The following ZNF557 variants were observed in gnomAD, a reference collection of about 807,000 sequenced individuals.
ZNF557 encodes zinc finger protein 557, also known as CTB-25J19.9.
A neutral mutation model predicts 21.2 loss-of-function variants in ZNF557; 19 were observed. The observed-to-expected ratio is 0.90, with a 90% CI of 0.63 to 1.32. The LOEUF (loss-of-function observed/expected upper bound fraction) is 1.32. ZNF557 is among the 40% of genes most tolerant of loss of function. ZNF557 has a pLI of 0.00. For missense variants in ZNF557, 487 were observed against 519.8 expected (o/e 0.94, Z 0.61); for synonymous variants, 207 against 194.8 (o/e 1.06, Z -0.52).
chr19:7,076,566 C>CT (rs1454143569), intron 5 of ZNF557, 59 bp downstream of exon 5: 3 of 1,574,262 alleles, frequency 1.9e-6, no homozygotes, highest in African/African-American at 2.7e-5. Flanking sequence ...TCTTTTTTTT[C>CT]TTTTTTTAAA....
At chr19:7,074,037 G>T (rs10419273) in intron 2 of ZNF557, among the ~76,000 whole-genome samples, 7,099 of 128,844 alleles carry the variant, frequency 0.055, 339 homozygotes, top group African/African-American at 0.15. Flanking sequence ...GTGTTGCTCT[G>T]TTGCCCAGGC....
Position 7,083,823 on chromosome 19 carries a change from A to G in ZNF557, c.*79A>G. 3 of 1,496,122 alleles carry G rather than the reference A, an allele frequency of 2.0e-6. No homozygotes were observed. In the East Asian group the frequency reaches 6.8e-5, roughly 34 times the overall value. 92.7% of individuals were successfully genotyped at this position (1,496,122 alleles called of 1,614,324 possible). ...GAGCAAACTCTAACAAGATGTATGA[A>G]TCACCTGCTACTGTGTAACAAATTA... is the stretch of plus-strand genomic sequence containing the variant. On this transcript the variant is annotated 3_prime_UTR_variant, in exon 8 of 8. Coordinates refer to ENST00000252840, the MANE Select transcript of ZNF557 (RefSeq NM_024341.3).
intron 5 of ZNF557, 70 bp from the exon 6 acceptor site, chr19:7,081,290 T>C: frequency 9.5e-7 from 1 of 1,052,012 alleles, no homozygotes; most frequent in Admixed American, 1.9e-5. Flanking sequence ...TCAGAACTGA[T>C]TTCAGTTTCA....
intron 2 of ZNF557, among the ~76,000 whole-genome samples, chr19:7,071,775 G>A (rs1977464006): frequency 8.1e-6 from 1 of 123,528 alleles, no homozygotes; most frequent in South Asian, 2.9e-4. Flanking sequence ...ACTTCAGCCT[G>A]GGCAACAGAG....
In ZNF557 at chr19:7,083,035, T is replaced by C; in HGVS notation, c.584T>C (p.Leu195Pro). The C allele has an allele frequency of 6.2e-7, 1 of 1,614,170 alleles. No homozygotes were observed. The highest frequency in any genetic ancestry group is 8.5e-7 in the Non-Finnish European group (1 of 1,180,028). The change falls in exon 8 of 8, where the codon CTT (leucine) becomes CCT (proline). Residue 195 changes from leucine (L) to proline (P), a missense_variant. Coordinates refer to ENST00000252840, the MANE Select transcript of ZNF557 (RefSeq NM_024341.3). ...CGKSYSSRSY[L>P]AVHKRIHNGE... ...AAATCCTACAGCAGTAGATCTTACC[T>C]TGCTGTTCATAAGAGAATCCACAAT... is the stretch of plus-strand genomic sequence containing the variant.
At chr19:7,073,384 G>A (rs1294629114) in intron 2 of ZNF557, among the ~76,000 whole-genome samples, 1 of 152,074 alleles carries the variant, frequency 6.6e-6, no homozygotes, top group East Asian at 1.9e-4. Context: ...TTGAACTGCT[G>A]ACCTCAGGTG....
rs2145166779 is a variant in ZNF557 at position 7,075,059 on chromosome 19, C to G, written c.-16C>G. On this transcript the variant is annotated 5_prime_UTR_variant, in exon 3 of 8. Transcript: ENST00000252840. ...GTCCTGCTTCCCGGCTGCCCTGTTGCTGTCGGAGTCACAGGATGGCGGCTG... is the reference window on the plus strand; with the variant it reads ...GTCCTGCTTCCCGGCTGCCCTGTTGGTGTCGGAGTCACAGGATGGCGGCTG... The G allele has an allele frequency of 6.2e-7, 1 of 1,614,102 alleles. No homozygotes were observed. Among genetic ancestry groups the G allele is most frequent in the East Asian group, 2.2e-5 (1 of 44,876 alleles).
At position 7,085,670 on chromosome 19, in the gene ZNF557, T is replaced by C. The variant is rs889766412; in HGVS notation, c.*1926T>C. 1 of 152,206 alleles carries C rather than the reference T, an allele frequency of 6.6e-6. No individual in the cohort carries two copies. Among genetic ancestry groups the C allele is most frequent in the African/African-American group, 2.4e-5 (1 of 41,448 alleles). 9.4% of individuals were successfully genotyped at this position (152,206 alleles called of 1,614,324 possible). On this transcript the variant is annotated 3_prime_UTR_variant, in exon 8 of 8. Transcript: ENST00000252840. ...ATGTTAGGATGCCTCATCTCTTAAC[T>C]GAGTGGCCACGCAGTAACTTAGAAC...
intron 2 of ZNF557, among the ~76,000 whole-genome samples, chr19:7,072,835 G>A (rs1426826382): frequency 6.6e-6 from 1 of 152,204 alleles, no homozygotes; most frequent in African/African-American, 2.4e-5. Context: ...CAGAAAGCCA[G>A]TTCTTAGATG....
At chr19:7,074,363 T>G (rs1977529717) in intron 2 of ZNF557, among the ~76,000 whole-genome samples, 1 of 108,322 alleles carries the variant, frequency 9.2e-6, no homozygotes, top group Admixed American at 9.4e-5. Flanking sequence ...CACACAGCCC[T>G]TCTTTTCTCA....
In ZNF557 at chr19:7,082,954, C is replaced by G. The variant is rs751570081; in HGVS notation, c.503C>G (p.Thr168Arg). ...FKVFSTKSSL[T>R]RHRKIHTGER... ...GTCTTCAGCACAAAATCTTCCCTTA[C>G]ACGGCACAGGAAGATTCATACTGGA... Residue 168 changes from threonine (T) to arginine (R), a missense_variant, in exon 8 of 8, where the codon ACA becomes AGA. Physicochemically the swap from Thr to Arg is moderately conservative, Grantham distance 71. Transcript: ENST00000252840. 27 of 1,613,688 alleles carry G rather than the reference C, an allele frequency of 1.7e-5. No individual in the cohort carries two copies. Among genetic ancestry groups the G allele is most frequent in the Admixed American group, 6.7e-5 (4 of 59,916 alleles).
chr19:7,077,676 G>A (rs1977615001), intron 5 of ZNF557, among the ~76,000 whole-genome samples: 1 of 152,124 alleles, frequency 6.6e-6, no homozygotes. Context: ...GAACTTCTGT[G>A]TCCTGTGGTA....
At chr19:7,073,970 C>A (rs1977516866) in intron 2 of ZNF557, among the ~76,000 whole-genome samples, 1 of 151,426 alleles carries the variant, frequency 6.6e-6, no homozygotes, top group African/African-American at 2.4e-5. Context: ...GCCCCCGCCC[C>A]CACCAACCCC....
chr19:7,085,649 T>C lies in ZNF557; in HGVS notation c.*1905T>C, dbSNP rs573602633. 5 of 152,264 alleles carry C rather than the reference T, an allele frequency of 3.3e-5. No homozygotes were observed. Among genetic ancestry groups the C allele is most frequent in the African/African-American group, 1.2e-4 (5 of 41,558 alleles). 9.4% of individuals were successfully genotyped at this position (152,264 alleles called of 1,614,324 possible). A position where few individuals can be genotyped will look rare whatever the true frequency, so the allele number is the denominator to read the frequency against. On this transcript the variant is annotated 3_prime_UTR_variant, in exon 8 of 8. Transcript: ENST00000252840. ...GAAGCCCTAGGAACGTAATCAATGT[T>C]AGGATGCCTCATCTCTTAACTGAGT...
intron 3 of ZNF557, 77 bp from the exon 4 acceptor site, chr19:7,075,578 C>G (rs1425066255): frequency 1.4e-6 from 2 of 1,441,020 alleles, no homozygotes; most frequent in African/African-American, 2.8e-5. Flanking sequence ...CGATCGCAGG[C>G]AGGTGGGGAA....
At position 7,083,158 on chromosome 19, in the gene ZNF557, A is replaced by G. The variant is rs746633441; in HGVS notation, c.707A>G (p.Tyr236Cys). The change falls in exon 8 of 8, where the codon TAC becomes TGC. Residue 236 changes from tyrosine (Y) to cysteine (C), a missense_variant. Coordinates refer to ENST00000252840, the MANE Select transcript of ZNF557 (RefSeq NM_024341.3). ...AGAATCCACAATGGGGAGAAACCCT[A>G]CGAATGCAGTGACTGTGGGAAAACC... is the stretch of plus-strand genomic sequence containing the variant. ...HKRIHNGEKPYECSDCGKTFS... is the reference protein window; with the variant it reads ...HKRIHNGEKPCECSDCGKTFS... The G allele has an allele frequency of 9.3e-6, 15 of 1,614,100 alleles. No homozygotes were observed. The highest frequency in any genetic ancestry group is 5.3e-5 in the African/African-American group (4 of 74,942).
intron 5 of ZNF557, among the ~76,000 whole-genome samples, chr19:7,077,711 A>G (rs1977615944): frequency 6.6e-6 from 1 of 152,154 alleles, no homozygotes. Context: ...GTGTTGAGGA[A>G]TGTCCAAACT....
rs1009016123 is a variant in ZNF557, at chr19:7,079,500, A to G, written c.248-1860A>G. On this transcript the variant is annotated intron_variant, in intron 5 of 7. Coordinates refer to ENST00000252840, the MANE Select transcript of ZNF557 (RefSeq NM_024341.3). ...TGTGATCCGCCCACCTTGGCCTCCC[A>G]AAGTGCTGGGATTACAGCCATGAGC... 9.9e-5 allele frequency among the ~76,000 whole-genome samples: 15 copies of G among 152,174 alleles called. No individual in the cohort carries two copies. In the East Asian group the frequency reaches 1.5e-3, roughly 16 times the overall value.
intron 5 of ZNF557, among the ~76,000 whole-genome samples, chr19:7,079,325 T>C (rs1977647338): frequency 6.7e-6 from 1 of 150,242 alleles, no homozygotes; most frequent in Non-Finnish European, 1.5e-5. Flanking sequence ...AACTGCAAGC[T>C]CTGCCTCCCA....
Sources: allele counts gnomAD v4.1 joint callset (sites outside exome capture counted in the v4.1 genomes callset), GRCh38; gene constraint gnomAD v4.1.1; transcripts MANE v1.5; gene names NCBI Gene and HGNC (gene_info 2026-07-23, HGNC 2026-07-21).